ZNF487: variants seen among roughly 807,000 people sequenced by gnomAD.
ZNF487 encodes the protein zinc finger protein 487, also known as KRAB domain only 1.
In ZNF487, 4 loss-of-function variants were observed where a neutral mutation model predicts 3.0. The ratio of observed to expected loss-of-function variants is 1.35; its 90% CI spans 0.66 to 3.08. The LOEUF is 3.08. Among genes scored for constraint, ZNF487 ranks in the 30% most tolerant of loss-of-function variants. ZNF487 has a pLI of 0.01. For missense variants in ZNF487, 146 were observed against 98.7 expected, an observed-to-expected ratio of 1.48 and a Z score of -2.03; for synonymous variants, 55 against 34.6, an observed-to-expected ratio of 1.59 and a Z score of -2.06.
intron 1 of ZNF487, among the ~76,000 whole-genome samples, chr10:43,445,985 T>C (rs185469585): frequency 2.6e-5 from 4 of 152,308 alleles, no homozygotes; most frequent in Admixed American, 6.6e-5. Flanking sequence ...TCAGAGAGCA[T>C]GGGGTTGGGA....
At chr10:43,486,952 G>T (rs1298971545), downstream of ZNF487, among the ~76,000 whole-genome samples, 1 of 152,130 alleles carries the variant, frequency 6.6e-6, no homozygotes, top group Non-Finnish European at 1.5e-5. Context: ...GTGTCAGATG[G>T]TTTTCTAAAT....
At chr10:43,517,604 T>C in the ZNF487 span, among the ~76,000 whole-genome samples, 11 of 152,300 alleles carry the variant, frequency 7.2e-5, no homozygotes, top group African/African-American at 2.6e-4. Context: ...CAACTGTTGG[T>C]CACATACTGG....
At chr10:43,449,566 G>GT (rs1278796954) in intron 1 of ZNF487, among the ~76,000 whole-genome samples, 2 of 151,724 alleles carry the variant, frequency 1.3e-5, no homozygotes, top group Non-Finnish European at 2.9e-5. Context: ...TGTGAATTCA[G>GT]TATTTAAAAA....
chr10:43,466,181 AGAGAGG>A (rs1840697238), intron 1 of ZNF487, among the ~76,000 whole-genome samples: 1 of 135,390 alleles, frequency 7.4e-6, no homozygotes, highest in East Asian at 2.4e-4. Flanking sequence ...GACCGTGGAA[AGAGAGG>A]GAGAGGGAGA....
intron 1 of ZNF487, among the ~76,000 whole-genome samples, chr10:43,462,899 A>C (rs1178891605): frequency 6.6e-6 from 1 of 151,890 alleles, no homozygotes; most frequent in Non-Finnish European, 1.5e-5. Flanking sequence ...CCCCCTGAGT[A>C]GCTGGGACCA....
downstream of ZNF487, among the ~76,000 whole-genome samples, chr10:43,486,671 A>G (rs573256812): frequency 9.4e-4 from 143 of 152,348 alleles, 1 homozygote; most frequent in African/African-American, 3.3e-3. Context: ...ATGAAAATAG[A>G]TATCACACAA....
At chr10:43,479,289 C>T (rs1588744905) in intron 3 of ZNF487, among the ~76,000 whole-genome samples, 1 of 151,854 alleles carries the variant, frequency 6.6e-6, no homozygotes, top group East Asian at 1.9e-4. Flanking sequence ...TTGAATGAAA[C>T]TCATTCTGTT....
At chr10:43,469,765 A>G (rs761849573) in intron 1 of ZNF487, among the ~76,000 whole-genome samples, 6 of 152,062 alleles carry the variant, frequency 3.9e-5, no homozygotes, top group Admixed American at 2.0e-4. Flanking sequence ...CCCGGCCAAC[A>G]TGGTGAAACC....
intron 1 of ZNF487, chr10:43,452,061 G>A (rs1840030180): frequency 6.6e-6 from 1 of 152,216 alleles, no homozygotes; most frequent in South Asian, 2.1e-4. Context: ...TTCACTTCCT[G>A]TGTTATCACT....
At chr10:43,443,079 T>TC (rs397703725) in intron 1 of ZNF487, among the ~76,000 whole-genome samples, 1 of 146,160 alleles carries the variant, frequency 6.8e-6, no homozygotes, top group Non-Finnish European at 1.5e-5. Flanking sequence ...TTTTTTTTTT[T>TC]GAGACAGAGT....
intron 1 of ZNF487, among the ~76,000 whole-genome samples, chr10:43,464,095 G>C (rs1377618572): frequency 1.3e-5 from 2 of 151,948 alleles, no homozygotes; most frequent in African/African-American, 4.8e-5. Context: ...TAATGAGGAA[G>C]GCATATATCA....
chr10:43,441,669 G>C (rs2265887), intron 1 of ZNF487, among the ~76,000 whole-genome samples: 105,098 of 151,824 alleles, frequency 0.69, 38,032 homozygotes, highest in Non-Finnish European at 0.8. Flanking sequence ...TCACTGCAAC[G>C]TCTGCCTCCT....
chr10:43,498,077 A>ATATATATATATATATATATG, the ZNF487 span, among the ~76,000 whole-genome samples: 1 of 8,388 alleles, frequency 1.2e-4, no homozygotes, highest in African/African-American at 5.4e-4. Context: ...TTGGTATTTT[A>ATATATATATATATATATATG]TATATATATA....
intron 1 of ZNF487, among the ~76,000 whole-genome samples, chr10:43,440,734 C>T (rs1387036325): frequency 6.6e-6 from 1 of 151,532 alleles, no homozygotes; most frequent in African/African-American, 2.4e-5. Flanking sequence ...CCTCATGGCT[C>T]CCTCCTTTGC....
intron 1 of ZNF487, among the ~76,000 whole-genome samples, chr10:43,449,386 G>A (rs1402731766): frequency 6.6e-6 from 1 of 152,090 alleles, no homozygotes; most frequent in Non-Finnish European, 1.5e-5. Flanking sequence ...ACAAGTCACA[G>A]AGAATAGAAA....
chr10:43,486,868 A>G (rs543861423), downstream of ZNF487, among the ~76,000 whole-genome samples: 1 of 152,228 alleles, frequency 6.6e-6, no homozygotes, highest in African/African-American at 2.4e-5. Flanking sequence ...ACCCAATGGA[A>G]TATTTTACTC....
chr10:43,477,171 C>T (rs1039269646), intron 3 of ZNF487, among the ~76,000 whole-genome samples: 10 of 151,302 alleles, frequency 6.6e-5, no homozygotes, highest in African/African-American at 2.4e-4. Context: ...GTTCTAAAAT[C>T]CTTTCTTTTT....
In ZNF487 at chr10:43,448,994, C is replaced by CG. The variant is rs1480853149; in HGVS notation, c.-94+11733dup. 2.5e-3 allele frequency among the ~76,000 whole-genome samples: 286 copies of CG among 115,146 alleles called. 1 individual carries two copies. Among genetic ancestry groups the CG allele is most frequent in the African/African-American group, 9.0e-3 (265 of 29,298 alleles). 75.5% of individuals were successfully genotyped at this position (115,146 alleles called of 152,430 possible). ...GGGTGACAGAGTAAGAACCTGTCTCCGAAAAAAAAAAAAAAAAAAAAAGGC... is the reference window on the plus strand; with the variant it reads ...GGGTGACAGAGTAAGAACCTGTCTCCGGAAAAAAAAAAAAAAAAAAAAAGGC... On this transcript the variant is annotated intron_variant, in intron 1 of 3. Coordinates refer to ENST00000437590, the MANE Select transcript of ZNF487 (RefSeq NM_001355444.3).
chr10:43,439,970 T>C (rs185744305), intron 1 of ZNF487, among the ~76,000 whole-genome samples: 2 of 152,176 alleles, frequency 1.3e-5, no homozygotes, highest in African/African-American at 4.8e-5. Flanking sequence ...TAGAGATCTG[T>C]TTCACAACAA....
Sources: allele counts gnomAD v4.1 joint callset (sites outside exome capture counted in the v4.1 genomes callset), GRCh38; gene constraint gnomAD v4.1.1; transcripts MANE v1.5; gene names NCBI Gene and HGNC (gene_info 2026-07-23, HGNC 2026-07-21).